The following ESCO2 variants were observed in gnomAD, a reference collection of about 807,000 sequenced individuals.
The protein encoded by ESCO2 is establishment of sister chromatid cohesion N-acetyltransferase 2.
ESCO2 carries 51 observed loss-of-function variants against 61.7 expected under a neutral mutation model. The observed-to-expected ratio is 0.83, with a 90% CI of 0.66 to 1.04. ESCO2 has a LOEUF of 1.04. Among genes scored for constraint, ESCO2 ranks in the 50% least tolerant of loss-of-function variants. ESCO2 has a pLI of 0.00. For missense variants in ESCO2, 692 were observed against 686.2 expected (o/e 1.01, Z -0.09); for synonymous variants, 230 against 238.2 (o/e 0.97, Z 0.32).
At chr8:27,779,586 T>C (rs1336574641) in intron 3 of ESCO2, 1 of 152,296 alleles carries the variant, frequency 6.6e-6, no homozygotes. Context: ...CATTTCATTA[T>C]GGAAGTGATG....
chr8:27,816,343 C>CA (rs1554559819), downstream of ESCO2, among the ~76,000 whole-genome samples: 19 of 136,334 alleles, frequency 1.4e-4, no homozygotes, highest in African/African-American at 5.3e-4. Flanking sequence ...TCATCGAATA[C>CA]TATATATATA....
At chr8:27,815,566 CTG>C (rs1484595069), downstream of ESCO2, among the ~76,000 whole-genome samples, 1 of 152,172 alleles carries the variant, frequency 6.6e-6, no homozygotes, top group African/African-American at 2.4e-5. Context: ...GGCAGTGACT[CTG>C]TGGCAATAAG....
At chr8:27,788,059 A>G (rs1805087968) in intron 6 of ESCO2, 57 bp downstream of exon 6, 1 of 1,249,984 alleles carries the variant, frequency 8.0e-7, no homozygotes, top group South Asian at 1.2e-5. Context: ...AAAGCTTGCC[A>G]ACCCCTGTAT....
chr8:27,785,143 G>C (rs1805009679), intron 5 of ESCO2, among the ~76,000 whole-genome samples: 1 of 152,244 alleles, frequency 6.6e-6, no homozygotes, highest in Admixed American at 6.5e-5. Context: ...CTTGCTGCAT[G>C]ATCCCATGGC....
chr8:27,787,924 C>A lies in ESCO2; in HGVS notation c.1053C>A (p.Asn351Lys), dbSNP rs1179332370. 3 of 1,613,702 alleles carry A rather than the reference C, an allele frequency of 1.9e-6. No individual in the cohort carries two copies. Among genetic ancestry groups the A allele is most frequent in the Non-Finnish European group, 2.5e-6 (3 of 1,179,806 alleles). The change falls in exon 6 of 11, where the codon AAC (asparagine) becomes AAA (lysine). Residue 351 changes from asparagine to lysine, a missense_variant. Physicochemically the swap from Asn to Lys is moderately conservative, Grantham distance 94. Coordinates refer to ENST00000305188, the MANE Select transcript of ESCO2 (RefSeq NM_001017420.3). ...GEEQFSVGSVNFMKQTNIQKN... is the reference protein window; with the variant it reads ...GEEQFSVGSVKFMKQTNIQKN... ...AACAGTTTTCTGTGGGATCTGTCAA[C>A]TTCATGAAACAGACCAATATCCAGA...
chr8:27,815,320 G>C (rs1259580659), downstream of ESCO2, among the ~76,000 whole-genome samples: 1 of 152,194 alleles, frequency 6.6e-6, no homozygotes, highest in Non-Finnish European at 1.5e-5. Context: ...GCTCTGTTAA[G>C]TGAGAACAAA....
chr8:27,776,851 T>C lies in ESCO2; in HGVS notation c.543T>C (p.Asn181=). 6.2e-7 allele frequency: 1 copy of C among 1,614,132 alleles called. No individual in the cohort carries two copies. The highest frequency in any genetic ancestry group is 2.2e-5 in the East Asian group (1 of 44,884). The stretch of plus-strand genomic sequence containing the variant: ...AGCCAATTGTGGAGAAGGAAAATAA[T>C]TGTCATTCAGCTGAAAATAATTCCA... The part of the protein sequence containing the change: ...IYKPIVEKEN[N]CHSAENNSNA... The change falls in exon 3 of 11, where the codon AAT becomes AAC. Residue 181 remains asparagine, a synonymous_variant. Coordinates refer to ENST00000305188, the MANE Select transcript of ESCO2 (RefSeq NM_001017420.3).
chr8:27,809,364 T>G (rs905644349), downstream of ESCO2, among the ~76,000 whole-genome samples: 2 of 152,210 alleles, frequency 1.3e-5, no homozygotes, highest in Admixed American at 1.3e-4. Flanking sequence ...AGAGTGCAGT[T>G]GTTCCTAATG....
intron 9 of ESCO2, among the ~76,000 whole-genome samples, chr8:27,794,167 T>A (rs930406065): frequency 2.6e-5 from 4 of 152,212 alleles, no homozygotes; most frequent in African/African-American, 7.2e-5. Flanking sequence ...TGATTACATA[T>A]CTTGGCTATG....
chr8:27,775,422 A>G, intron 1 of ESCO2, 77 bp from the exon 2 acceptor site: 1 of 1,240,248 alleles, frequency 8.1e-7, no homozygotes, highest in African/African-American at 1.5e-5. Context: ...TGTGAAATAG[A>G]CTAATTAAAG....
chr8:27,772,549 GA>G (rs1563465291), upstream of ESCO2: 1 of 1,549,280 alleles, frequency 6.5e-7, no homozygotes, highest in Non-Finnish European at 8.7e-7. Context: ...ATGATCCCGG[GA>G]GCGGTGCGGT....
chr8:27,790,590 CT>C (rs1805154923), intron 7 of ESCO2, among the ~76,000 whole-genome samples: 1 of 151,786 alleles, frequency 6.6e-6, no homozygotes, highest in Non-Finnish European at 1.5e-5. Context: ...AGTTTGTGAC[CT>C]TTGGTTTCTT....
At chr8:27,794,349 T>G (rs1333563595) in intron 9 of ESCO2, among the ~76,000 whole-genome samples, 3 of 152,206 alleles carry the variant, frequency 2.0e-5, no homozygotes, top group African/African-American at 7.2e-5. Context: ...CCTTGATGAA[T>G]TAGTAATGTT....
intron 10 of ESCO2, 79 bp from the exon 11 acceptor site, chr8:27,803,227 G>A: frequency 7.9e-7 from 1 of 1,271,354 alleles, no homozygotes; most frequent in Non-Finnish European, 1.1e-6. Flanking sequence ...TAAGTCAAGA[G>A]TATTTACTTA....
At chr8:27,782,800 G>A (rs111501869) in intron 4 of ESCO2, among the ~76,000 whole-genome samples, 53 of 151,752 alleles carry the variant, frequency 3.5e-4, no homozygotes, top group African/African-American at 1.2e-3. Flanking sequence ...CAATCTTTTT[G>A]TCTTTATCCT....
chr8:27,806,428 G>A (rs1345719709), downstream of ESCO2, among the ~76,000 whole-genome samples: 13 of 152,038 alleles, frequency 8.6e-5, no homozygotes, highest in Admixed American at 8.5e-4. Flanking sequence ...TATAGTATTA[G>A]TACATGGTCC....
chr8:27,816,343 C>CATATATA (rs1554559819), downstream of ESCO2, among the ~76,000 whole-genome samples: 2 of 136,364 alleles, frequency 1.5e-5, no homozygotes, highest in African/African-American at 5.8e-5. Context: ...TCATCGAATA[C>CATATATA]TATATATATA....
chr8:27,792,962 T>G, intron 9 of ESCO2, 151 bp downstream of exon 9: 1 of 974,078 alleles, frequency 1.0e-6, no homozygotes, highest in Non-Finnish European at 1.4e-6. Flanking sequence ...GTTATTTATT[T>G]CCATTAATAT....
chr8:27,785,721 G>A (rs1164665854), intron 5 of ESCO2, among the ~76,000 whole-genome samples: 1 of 151,712 alleles, frequency 6.6e-6, no homozygotes, highest in Non-Finnish European at 1.5e-5. Context: ...AAAAGACAGT[G>A]GGATACTATT....
Sources: gnomAD v4.1 joint callset for allele counts (sites outside exome capture counted in the v4.1 genomes callset) on GRCh38, gnomAD v4.1.1 for gene constraint, MANE v1.5 for transcripts, NCBI Gene and HGNC (gene_info 2026-07-23, HGNC 2026-07-21) for gene names.